Variants in LGI1 observed in about 807,000 individuals in gnomAD.
LGI1 encodes leucine-rich glioma-inactivated protein 1.
Under a neutral mutation model 57.7 loss-of-function variants are expected in LGI1, and 11 were observed. The observed-to-expected ratio is 0.19, with a 90% confidence interval of 0.12 to 0.32. The LOEUF is 0.32. Among genes scored for constraint, LGI1 ranks in the 10% least tolerant of loss-of-function variants. The pLI, the probability that LGI1 is intolerant of heterozygous loss-of-function variation, is 1.00. For missense variants in LGI1, 422 were observed against 661.9 expected (o/e 0.64, Z 3.98); for synonymous variants, 222 against 241.9 (o/e 0.92, Z 0.76).
In LGI1 at chr10:93,797,578, A is replaced by G. The variant is rs560956770; in HGVS notation, c.1449A>G (p.Gln483=). 8.1e-6 allele frequency: 13 copies of G among 1,614,166 alleles called. No homozygotes were observed. The South Asian group carries it at 8.8e-5, about 11-fold the overall frequency. ...SRGSMVFQPL[Q]INNYQYAILG... ...GATCCATGGTGTTCCAGCCTCTTCA[A>G]ATAAATAATTACCAATATGCAATTC... The change falls in exon 8 of 8, where the codon CAA becomes CAG. Residue 483 remains glutamine, a synonymous_variant. Transcript: ENST00000371418. The surrounding 1 kb of genome is among the most constrained non-coding windows in gnomAD (Gnocchi z 6.5).
chr10:93,777,596 G>A lies in LGI1; in HGVS notation c.410G>A (p.Gly137Glu). Residue 137 changes from glycine to glutamate, a missense_variant, in exon 4 of 8, where the codon GGA becomes GAA. Around this residue, in one of 3 missense-constraint regions of LGI1, gnomAD observed 63 missense variants for 138.4 expected, o/e 0.46. Coordinates refer to ENST00000371418, the MANE Select transcript of LGI1 (RefSeq NM_005097.4). ...IKSISRHTFR[G>E]LKSLIHLSLA... ...TCAATTTCAAGACATACTTTCCGGG[G>A]ACTAAAGTCATTAATTCACTTGTAA... The A allele has an allele frequency of 6.2e-7, 1 of 1,612,956 alleles. No homozygotes were observed. Among genetic ancestry groups the A allele is most frequent in the Non-Finnish European group, 8.5e-7 (1 of 1,179,118 alleles).
chr10:93,774,508 G>A (rs3781267), intron 2 of LGI1, among the ~76,000 whole-genome samples: 1 of 151,872 alleles, frequency 6.6e-6, no homozygotes, highest in Non-Finnish European at 1.5e-5. Context: ...CAACCCTAAG[G>A]CATCCTTTAT....
chr10:93,786,827 C>A (rs1177409328), intron 4 of LGI1, among the ~76,000 whole-genome samples: 1 of 152,200 alleles, frequency 6.6e-6, no homozygotes, highest in Non-Finnish European at 1.5e-5. Context: ...CTCCTGACCT[C>A]AGGTGATCCG....
At chr10:93,795,414 A>C (rs2059972078) in intron 7 of LGI1, among the ~76,000 whole-genome samples, 1 of 152,108 alleles carries the variant, frequency 6.6e-6, no homozygotes, top group Admixed American at 6.5e-5. Context: ...AAGGGCAAAA[A>C]AAGATCTAAC....
chr10:93,796,982 G>C lies in LGI1; in HGVS notation c.853G>C (p.Val285Leu), dbSNP rs944813713. The change falls in exon 8 of 8, where the codon GTA (valine) becomes CTA (leucine). Residue 285 changes from valine (V) to leucine (L), a missense_variant. Around this residue, in one of 3 missense-constraint regions of LGI1, gnomAD observed 301 missense variants for 461.7 expected, o/e 0.65. Transcript: ENST00000371418. ...YDNITGTSTVVCKPIVIETQL... is the reference protein window; with the variant it reads ...YDNITGTSTVLCKPIVIETQL... ...TCTTTTCCCAGGCACATCCACTGTA[G>C]TATGCAAGCCTATAGTCATTGAAAC... 6.2e-7 allele frequency: 1 copy of C among 1,613,614 alleles called. No individual in the cohort carries two copies. The highest frequency in any genetic ancestry group is 1.3e-5 in the African/African-American group (1 of 74,916).
intron 7 of LGI1, among the ~76,000 whole-genome samples, chr10:93,796,059 C>T (rs530041715): frequency 1.3e-5 from 2 of 152,346 alleles, no homozygotes; most frequent in African/African-American, 4.8e-5. Flanking sequence ...TGATAAATGT[C>T]AAACTCTTCC....
chr10:93,779,285 C>T (rs545795566), intron 4 of LGI1, among the ~76,000 whole-genome samples: 9 of 151,178 alleles, frequency 6.0e-5, no homozygotes, highest in Admixed American at 3.3e-4. Flanking sequence ...CAGCCCAATT[C>T]ATCCAGCTGT....
At chr10:93,789,976 A>AT (rs2059922102) in intron 4 of LGI1, 123 bp from the exon 5 acceptor site, 2 of 942,566 alleles carry the variant, frequency 2.1e-6, no homozygotes, top group Middle Eastern at 6.5e-4. Flanking sequence ...AGAAAAAAAA[A>AT]GGACCACAAG....
At chr10:93,768,789 C>T (rs907726149) in intron 2 of LGI1, 3 of 152,248 alleles carry the variant, frequency 2.0e-5, no homozygotes, top group African/African-American at 7.2e-5. Context: ...GGTTAAGTCA[C>T]TTAACCTCTG....
chr10:93,761,293 G>A (rs2059620502), intron 2 of LGI1, among the ~76,000 whole-genome samples: 1 of 152,142 alleles, frequency 6.6e-6, no homozygotes, highest in Non-Finnish European at 1.5e-5. Context: ...GATCACACAA[G>A]CCATTGAGGT....
At chr10:93,766,948 A>T (rs887493345) in intron 2 of LGI1, 7 of 152,214 alleles carry the variant, frequency 4.6e-5, no homozygotes, top group Non-Finnish European at 1.0e-4. Context: ...GTTGGAGTTT[A>T]AACCCATGTC....
rs2059594268 is a variant in LGI1 at position 93,758,901 on chromosome 10, T to G, written c.287+70T>G. On this transcript the variant is annotated intron_variant, in intron 2 of 7. Transcript: ENST00000371418. This position sits in a 1 kb window ranked among gnomAD's most constrained non-coding sequence, Gnocchi z 4.7. Reference sequence around the variant, plus strand: ...TTGGATAAGCCTTCTAGTAAAATGATCTCAATATTAATTTTGTCAAATGTG... The same window carrying G: ...TTGGATAAGCCTTCTAGTAAAATGAGCTCAATATTAATTTTGTCAAATGTG... The G allele has an allele frequency of 8.3e-6, 9 of 1,088,646 alleles. No homozygotes were observed. In the South Asian group the frequency reaches 1.2e-4, roughly 14 times the overall value. 67.4% of individuals were successfully genotyped at this position (1,088,646 alleles called of 1,614,324 possible). A position where few individuals can be genotyped will look rare whatever the true frequency, so the allele number is the denominator to read the frequency against.
At chr10:93,769,435 G>A (rs145335522) in intron 2 of LGI1, 4 of 152,234 alleles carry the variant, frequency 2.6e-5, no homozygotes, top group African/African-American at 7.2e-5. Context: ...ACATCCTCAC[G>A]GGACCTGAGT....
intron 4 of LGI1, among the ~76,000 whole-genome samples, chr10:93,780,015 T>C (rs10748614): frequency 0.78 from 119,206 of 152,222 alleles, 47,389 homozygotes; most frequent in East Asian, 0.99. Context: ...TCATCTTAAA[T>C]AGTTTCTAAG....
At chr10:93,792,627 G>A (rs574174834) in intron 5 of LGI1, 116 bp from the exon 6 acceptor site, 16 of 1,047,752 alleles carry the variant, frequency 1.5e-5, no homozygotes, top group Non-Finnish European at 2.2e-5. Flanking sequence ...GCAGGTTATA[G>A]GGCAGGATGC....
chr10:93,764,360 A>G (rs2059652854), intron 2 of LGI1: 1 of 152,196 alleles, frequency 6.6e-6, no homozygotes, highest in Non-Finnish European at 1.5e-5. Flanking sequence ...TGCTGGGATT[A>G]TGGGTATGTG....
intron 7 of LGI1, 107 bp downstream of exon 7, chr10:93,793,457 A>G: frequency 2.0e-6 from 2 of 983,426 alleles, no homozygotes; most frequent in South Asian, 1.3e-5. Context: ...TTGAATTCCA[A>G]CTCTACCATT....
Position 93,758,120 on chromosome 10 carries a change from T to C in LGI1, c.-25T>C, listed in dbSNP as rs1167846247. ...ATCTGAATTCCAGAAGCCCTGTTCA[T>C]GGTTGGGGATATTTTCTCGACTGCA... On this transcript the variant is annotated 5_prime_UTR_variant, in exon 1 of 8. It removes an upstream start codon present in the reference 5' UTR. Transcript: ENST00000371418. This position sits in a 1 kb window ranked among gnomAD's most constrained non-coding sequence, Gnocchi z 4.7. The C allele has an allele frequency of 6.3e-7, 1 of 1,599,148 alleles. No homozygotes were observed. Among genetic ancestry groups the C allele is most frequent in the Non-Finnish European group, 8.6e-7 (1 of 1,166,506 alleles).
intron 7 of LGI1, chr10:93,793,832 G>GAAAT (rs1328402871): frequency 3.2e-5 from 5 of 158,128 alleles, no homozygotes; most frequent in Non-Finnish European, 7.0e-5. Context: ...GTTAATGTAT[G>GAAAT]CCTTGTAATG....
Sources: gnomAD v4.1 joint callset for allele counts (sites outside exome capture counted in the v4.1 genomes callset) on GRCh38, gnomAD v4.1.1 for gene constraint, gnomAD v4.1.1 regional missense constraint, Gnocchi (gnomAD v3.1) non-coding constraint, MANE v1.5 for transcripts, NCBI Gene and HGNC (gene_info 2026-07-23, HGNC 2026-07-21) for gene names.